Variants in MACF1 observed in about 807,000 individuals in gnomAD.
MACF1 encodes the protein microtubule-actin cross-linking factor 1.
In MACF1, 193 loss-of-function variants were observed where a neutral mutation model predicts 854.8. The observed-to-expected ratio is 0.23, with a 90% CI of 0.20 to 0.25. MACF1 has a LOEUF of 0.25. Among genes scored for constraint, MACF1 ranks in the 10% least tolerant of loss-of-function variants. The pLI, the probability that MACF1 is intolerant of heterozygous loss-of-function variation, is 1.00. For missense variants in MACF1, 7,722 were observed against 8,929.1 expected (o/e 0.86, Z 5.45); for synonymous variants, 3,185 against 3,226.7 (o/e 0.99, Z 0.44).
intron 58 of MACF1, among the ~76,000 whole-genome samples, chr1:39,393,886 GAA>G (rs1642162373): frequency 8.6e-6 from 1 of 115,710 alleles, no homozygotes; most frequent in African/African-American, 5.7e-5. Flanking sequence ...AGAAAGAAAA[GAA>G]AGGAAGGAAG....
At chr1:39,288,033 T>A (rs935789567) in intron 15 of MACF1, among the ~76,000 whole-genome samples, 18 of 152,262 alleles carry the variant, frequency 1.2e-4, no homozygotes, top group South Asian at 6.2e-4. Context: ...ATTAAAAAAA[T>A]TTTTTGTGGG....
At chr1:39,260,659 G>C (rs1016837895) in intron 6 of MACF1, 1 of 151,966 alleles carries the variant, frequency 6.6e-6, no homozygotes, top group Non-Finnish European at 1.5e-5. Context: ...CACGCGGCTG[G>C]TTGCCCATCA....
chr1:39,288,849 CTGT>C (rs1045813573), intron 15 of MACF1, among the ~76,000 whole-genome samples: 23 of 152,252 alleles, frequency 1.5e-4, no homozygotes, highest in African/African-American at 5.1e-4. Flanking sequence ...TATAGTCATC[CTGT>C]TGTTCTATCA....
intron 6 of MACF1, among the ~76,000 whole-genome samples, chr1:39,267,489 C>G (rs1645247397): frequency 6.6e-6 from 1 of 152,206 alleles, no homozygotes; most frequent in Non-Finnish European, 1.5e-5. Flanking sequence ...CCTTGGCCTT[C>G]TAGAGTACTA....
intron 6 of MACF1, among the ~76,000 whole-genome samples, chr1:39,261,274 A>G (rs2148346393): frequency 1.3e-5 from 2 of 152,278 alleles, no homozygotes; most frequent in Admixed American, 1.3e-4. Context: ...CTTTTTGGTT[A>G]TAATTTCTAT....
In MACF1 at chr1:39,283,961, A is replaced by T; in HGVS notation, c.916-105A>T. ...TAAACTGAGCAGCATCTAGGCAATT[A>T]AAGGAAATGGATTTTATATAGTTTG... On this transcript the variant is annotated intron_variant, in intron 9 of 100. Transcript: ENST00000564288. This position sits in a 1 kb window ranked among gnomAD's most constrained non-coding sequence, Gnocchi z 4.5. 1 of 1,283,528 alleles carries T rather than the reference A, an allele frequency of 7.8e-7. No individual in the cohort carries two copies. The highest frequency in any genetic ancestry group is 1.1e-6 in the Non-Finnish European group (1 of 915,000). The allele number at this position is 1,283,528 out of a possible 1,614,324, so 79.5% of individuals were successfully genotyped here.
At chr1:39,393,194 AAAAT>A (rs1233275657) in intron 58 of MACF1, among the ~76,000 whole-genome samples, 118 of 79,240 alleles carry the variant, frequency 1.5e-3, no homozygotes, top group African/African-American at 5.7e-3. Flanking sequence ...AAAAAAAAAA[AAAAT>A]ATATATATAT....
chr1:39,374,536 T>C (rs568857624), intron 52 of MACF1, among the ~76,000 whole-genome samples: 4 of 152,318 alleles, frequency 2.6e-5, no homozygotes, highest in African/African-American at 7.2e-5. Context: ...AAACTTTTTC[T>C]ATAAAGGGCC....
chr1:39,293,726 A>T, intron 18 of MACF1, 107 bp downstream of exon 18: 2 of 1,073,820 alleles, frequency 1.9e-6, no homozygotes, highest in Admixed American at 4.6e-5. Context: ...ACTCTGCTAG[A>T]TAGAAATAGG....
chr1:39,484,790 T>C, intron 100 of MACF1, 60 bp downstream of exon 100: 8 of 1,605,702 alleles, frequency 5.0e-6, no homozygotes, highest in Non-Finnish European at 6.8e-6. Flanking sequence ...ACAGCCTATG[T>C]GGAATGTTTC....
intron 2 of MACF1, among the ~76,000 whole-genome samples, chr1:39,185,974 T>G (rs1644163597): frequency 6.6e-6 from 1 of 152,154 alleles, no homozygotes; most frequent in Non-Finnish European, 1.5e-5. Flanking sequence ...AGTCACCACC[T>G]GACTCGTTGT....
At chr1:39,168,493 T>G (rs1014659269) in intron 2 of MACF1, among the ~76,000 whole-genome samples, 3 of 152,098 alleles carry the variant, frequency 2.0e-5, no homozygotes, top group African/African-American at 7.2e-5. Flanking sequence ...TATATGTTTT[T>G]TGTGTGTGTG....
In MACF1 at chr1:39,413,198, C is replaced by T. The variant is rs754642915; in HGVS notation, c.15817-9176C>T. 1.4e-5 allele frequency: 23 copies of T among 1,613,538 alleles called. No individual in the cohort carries two copies. The East Asian group carries it at 4.7e-4, about 33-fold the overall frequency. On this transcript the variant is annotated intron_variant, in intron 58 of 100. Transcript: ENST00000564288. Reference sequence around the variant, plus strand: ...ACACCAGAAGGGCCTGTCACCCCAGCTACCACAGTGCATGCTCCAGAGGAG... The same window carrying T: ...ACACCAGAAGGGCCTGTCACCCCAGTTACCACAGTGCATGCTCCAGAGGAG...
intron 2 of MACF1, among the ~76,000 whole-genome samples, chr1:39,092,979 T>C (rs1273151568): frequency 3.3e-5 from 5 of 152,086 alleles, no homozygotes; most frequent in Admixed American, 6.6e-5. Flanking sequence ...AGAGACGGGG[T>C]TTCACCATCT....
chr1:39,309,656 G>T lies in MACF1; in HGVS notation c.2876G>T (p.Arg959Leu). The change falls in exon 24 of 101, where the codon CGT becomes CTT. Residue 959 changes from arginine to leucine, a missense_variant. Coordinates refer to ENST00000564288, the MANE Select transcript of MACF1 (RefSeq NM_001394062.1). ...AGCCTTATCTCTTGGAACTATCTGC[G>T]TAAAGACCTTGACCTTGTACAGACC... ...TKSLISWNYL[R>L]KDLDLVQTWN... 6.2e-7 allele frequency: 1 copy of T among 1,614,084 alleles called. No homozygotes were observed. The highest frequency in any genetic ancestry group is 8.5e-7 in the Non-Finnish European group (1 of 1,179,964).
chr1:39,190,684 C>A (rs1557508427), intron 2 of MACF1, among the ~76,000 whole-genome samples: 1 of 151,816 alleles, frequency 6.6e-6, no homozygotes, highest in Admixed American at 6.6e-5. Context: ...AAATCAGGAT[C>A]TTGAGTATTC....
At chr1:39,239,824 G>A (rs1644901867) in intron 2 of MACF1, among the ~76,000 whole-genome samples, 1 of 152,048 alleles carries the variant, frequency 6.6e-6, no homozygotes, top group Non-Finnish European at 1.5e-5. Context: ...TGGCTTTCCT[G>A]GAATTTTAGA....
intron 14 of MACF1, 141 bp downstream of exon 14, chr1:39,285,899 C>T (rs998714454): frequency 8.0e-6 from 7 of 872,726 alleles, no homozygotes; most frequent in Admixed American, 5.3e-5. Context: ...CTACAGGTCT[C>T]TTGGGCAGGA....
At chr1:39,274,722 TGGCTA>T (rs781026320) in intron 6 of MACF1, among the ~76,000 whole-genome samples, 61 of 152,234 alleles carry the variant, frequency 4.0e-4, no homozygotes, top group Non-Finnish European at 7.1e-4. Context: ...GGAGCCAGAT[TGGCTA>T]GGTTTGAATC....
Sources: allele counts gnomAD v4.1 joint callset (sites outside exome capture counted in the v4.1 genomes callset), GRCh38; gene constraint gnomAD v4.1.1; non-coding constraint Gnocchi (gnomAD v3.1); transcripts MANE v1.5; gene names NCBI Gene and HGNC (gene_info 2026-07-23, HGNC 2026-07-21).